SLC19A3: variants seen among roughly 807,000 people sequenced by gnomAD.
SLC19A3 encodes solute carrier family 19 member 3.
Under a neutral mutation model 40.2 loss-of-function variants are expected in SLC19A3, and 31 were observed. The ratio of observed to expected loss-of-function variants is 0.77; its 90% confidence interval spans 0.58 to 1.04. SLC19A3 has a LOEUF of 1.04. SLC19A3 is among the 50% of genes least tolerant of loss of function. The pLI, the probability that SLC19A3 is intolerant of heterozygous loss-of-function variation, is 0.00. For synonymous variants in SLC19A3, 212 were observed against 227.5 expected (o/e 0.93, Z 0.61); for missense variants, 592 against 596.7 (o/e 0.99, Z 0.08).
At chr2:227,690,461 A>G (rs985648195) in intron 4 of SLC19A3, among the ~76,000 whole-genome samples, 2 of 152,074 alleles carry the variant, frequency 1.3e-5, no homozygotes, top group Admixed American at 6.6e-5. Flanking sequence ...TAATCCCAGC[A>G]CTTTGGGAGG....
At chr2:227,701,037 C>T in intron 2 of SLC19A3, 3 of 1,304,218 alleles carry the variant, frequency 2.3e-6, no homozygotes, top group Non-Finnish European at 3.0e-6. Context: ...AGAAGCAGAA[C>T]CCAGTGGATT....
chr2:227,714,230 A>C (rs1696249591), intron 1 of SLC19A3, among the ~76,000 whole-genome samples: 1 of 152,182 alleles, frequency 6.6e-6, no homozygotes, highest in South Asian at 2.1e-4. Context: ...TTTTAAATTT[A>C]AAGTCCACAT....
intron 3 of SLC19A3, 36 bp downstream of exon 3, chr2:227,698,700 A>G: frequency 1.3e-6 from 2 of 1,578,172 alleles, no homozygotes; most frequent in African/African-American, 2.7e-5. Flanking sequence ...TAAGCGGGTA[A>G]AGCCAACAAA....
intron 1 of SLC19A3, among the ~76,000 whole-genome samples, chr2:227,708,968 A>C (rs977491819): frequency 6.6e-6 from 1 of 152,178 alleles, no homozygotes; most frequent in African/African-American, 2.4e-5. Flanking sequence ...TGCACACAAC[A>C]ATGTTCACGT....
chr2:227,711,422 AAAAAT>A (rs10634783), intron 1 of SLC19A3, among the ~76,000 whole-genome samples: 97 of 143,756 alleles, frequency 6.7e-4, no homozygotes, highest in African/African-American at 1.6e-3. Flanking sequence ...TCTGTCTCAA[AAAAAT>A]AAAATAAAAT....
In SLC19A3 at chr2:227,698,621, A is replaced by G. The variant is rs577447552; in HGVS notation, c.979+115T>C. 4.1e-6 allele frequency: 4 copies of G among 985,810 alleles called. No individual in the cohort carries two copies. In the African/African-American group the frequency reaches 6.7e-5, roughly 16 times the overall value. The allele number at this position is 985,810 out of a possible 1,614,324, so 61.1% of individuals were successfully genotyped here. A position where few individuals can be genotyped will look rare whatever the true frequency, so the allele number is the denominator to read the frequency against. On this transcript the variant is annotated intron_variant, in intron 3 of 5. Coordinates refer to ENST00000644224, the MANE Select transcript of SLC19A3 (RefSeq NM_025243.4). ...GCCGTGACTTTCATTCTTGACTGAA[A>G]AAAGTTATGCTTCCTTCTGAACAGA... is the stretch of plus-strand genomic sequence containing the variant.
chr2:227,689,258 C>T (rs79257034), intron 4 of SLC19A3, among the ~76,000 whole-genome samples: 4,473 of 152,082 alleles, frequency 0.029, 231 homozygotes, highest in African/African-American at 0.1. Flanking sequence ...TATCCAAGGA[C>T]AAGGTTACAG....
Position 227,699,436 on chromosome 2 carries a change from G to A in SLC19A3, c.279C>T (p.Thr93=). 6.2e-7 allele frequency: 1 copy of A among 1,614,154 alleles called. No homozygotes were observed. Among genetic ancestry groups the A allele is most frequent in the Middle Eastern group, 1.6e-4 (1 of 6,062 alleles). The change falls in exon 3 of 6, where the codon ACC becomes ACT. Residue 93 remains threonine, a synonymous_variant. Coordinates refer to ENST00000644224, the MANE Select transcript of SLC19A3 (RefSeq NM_025243.4). ...CTTGGCCAAACAACAGCAGCAGCCA[G>A]GTAATGATGAAACTGATACCTTGCA... ...IILQGISFII[T]WLLLLFGQGV...
At chr2:227,710,525 G>A (rs952760810) in intron 1 of SLC19A3, among the ~76,000 whole-genome samples, 4 of 152,080 alleles carry the variant, frequency 2.6e-5, no homozygotes, top group African/African-American at 9.6e-5. Flanking sequence ...GCAAAACTCG[G>A]TCTGTACTAA....
chr2:227,689,406 C>T (rs896724013), intron 4 of SLC19A3, among the ~76,000 whole-genome samples: 1 of 152,158 alleles, frequency 6.6e-6, no homozygotes, highest in Non-Finnish European at 1.5e-5. Flanking sequence ...GCTCCAATGT[C>T]TGGCAGCAGT....
At chr2:227,700,214 A>G (rs897840620) in intron 2 of SLC19A3, among the ~76,000 whole-genome samples, 3 of 151,952 alleles carry the variant, frequency 2.0e-5, no homozygotes, top group Admixed American at 1.3e-4. Context: ...TCTTGTTTGA[A>G]TATTAACATT....
At chr2:227,689,048 T>C (rs752606735) in intron 4 of SLC19A3, among the ~76,000 whole-genome samples, 1 of 152,026 alleles carries the variant, frequency 6.6e-6, no homozygotes, top group African/African-American at 2.4e-5. Context: ...ATTAGCAAGC[T>C]TGAAGACAAG....
intron 1 of SLC19A3, among the ~76,000 whole-genome samples, chr2:227,711,878 C>A (rs1211166398): frequency 6.6e-6 from 1 of 151,632 alleles, no homozygotes; most frequent in Admixed American, 6.6e-5. Flanking sequence ...GGCGAAACCC[C>A]GTCTCTACTA....
intron 3 of SLC19A3, 82 bp from the exon 4 acceptor site, chr2:227,696,163 T>C (rs1296146343): frequency 3.8e-6 from 5 of 1,313,562 alleles, no homozygotes; most frequent in Non-Finnish European, 5.5e-6. Flanking sequence ...AAAACCCAGG[T>C]CTCGGGTAAT....
At chr2:227,710,833 C>T (rs1330633232) in intron 1 of SLC19A3, among the ~76,000 whole-genome samples, 2 of 152,170 alleles carry the variant, frequency 1.3e-5, no homozygotes, top group Admixed American at 6.5e-5. Flanking sequence ...GCCCACCTCC[C>T]AGGCTTTCAA....
intron 1 of SLC19A3, among the ~76,000 whole-genome samples, chr2:227,713,381 T>C (rs1351695771): frequency 7.9e-6 from 1 of 126,278 alleles, no homozygotes; most frequent in Non-Finnish European, 1.6e-5. Flanking sequence ...CAGGTTGGGC[T>C]GGACAGTGAG....
intron 4 of SLC19A3, among the ~76,000 whole-genome samples, chr2:227,690,924 T>G (rs2106321181): frequency 6.6e-6 from 1 of 152,130 alleles, no homozygotes; most frequent in African/African-American, 2.4e-5. Context: ...AAAATGGACC[T>G]AATAGATATT....
At position 227,699,449 on chromosome 2, in the gene SLC19A3, C is replaced by T. The variant is rs1181303768; in HGVS notation, c.266G>A (p.Ser89Asn). The change falls in exon 3 of 6, where the codon AGT becomes AAT. Residue 89 changes from serine to asparagine, a missense_variant. By Grantham distance (46) the Ser-to-Asn change is conservative. Transcript: ENST00000644224. ...YKPVIILQGI[S>N]FIITWLLLLF... ...CAGCAGCAGCCAGGTAATGATGAAACTGATACCTTGCAAGATGATGACTGG... is the reference window on the plus strand; with the variant it reads ...CAGCAGCAGCCAGGTAATGATGAAATTGATACCTTGCAAGATGATGACTGG... 6.2e-7 allele frequency: 1 copy of T among 1,614,140 alleles called. No homozygotes were observed. The highest frequency in any genetic ancestry group is 1.1e-5 in the South Asian group (1 of 91,078).
Position 227,685,243 on chromosome 2 carries a change from A to T in SLC19A3, c.*2154T>A, listed in dbSNP as rs1427807830. 1 of 152,190 alleles carries T rather than the reference A, an allele frequency of 6.6e-6. No homozygotes were observed. The highest frequency in any genetic ancestry group is 2.4e-5 in the African/African-American group (1 of 41,444). The allele number at this position is 152,190 out of a possible 1,614,324, so 9.4% of individuals were successfully genotyped here. A position where few individuals can be genotyped will look rare whatever the true frequency, so the allele number is the denominator to read the frequency against. Reference sequence around the variant, plus strand: ...AAGAAAAGGGGTTTAATTAGCTCACAGGCTATATAGGAAGCGTGGCAACAT... The same window carrying T: ...AAGAAAAGGGGTTTAATTAGCTCACTGGCTATATAGGAAGCGTGGCAACAT... On this transcript the variant is annotated 3_prime_UTR_variant, in exon 6 of 6. Coordinates refer to ENST00000644224, the MANE Select transcript of SLC19A3 (RefSeq NM_025243.4).
Sources: allele counts gnomAD v4.1 joint callset (sites outside exome capture counted in the v4.1 genomes callset), GRCh38; gene constraint gnomAD v4.1.1; transcripts MANE v1.5; gene names NCBI Gene and HGNC (gene_info 2026-07-23, HGNC 2026-07-21).